The following RYR2 variants were observed in gnomAD, a reference collection of about 807,000 sequenced individuals.
The protein encoded by RYR2 is ryanodine receptor 2, also known as cardiac muscle ryanodine receptor-calcium release channel.
Under a neutral mutation model 601.1 loss-of-function variants are expected in RYR2, and 227 were observed. The ratio of observed to expected loss-of-function variants is 0.38; its 90% CI spans 0.34 to 0.42. The LOEUF (loss-of-function observed/expected upper bound fraction) is 0.42. RYR2 is among the 10% of genes least tolerant of loss of function. RYR2 has a pLI of 1.00. For missense variants in RYR2, 4,646 were observed against 6,156.5 expected, an observed-to-expected ratio of 0.75 and a Z score of 8.21; for synonymous variants, 2,223 against 2,175.1, an observed-to-expected ratio of 1.02 and a Z score of -0.61.
rs115156041 is a variant in RYR2 at position 237,051,532 on chromosome 1, G to A, written c.48+8963G>A. Among the ~76,000 whole-genome samples the A allele has an allele frequency of 5.5e-3, 832 of 152,066 alleles. 10 individuals carry two copies. The highest frequency in any genetic ancestry group is 0.016 in the African/African-American group (648 of 41,460). On this transcript the variant is annotated intron_variant, in intron 1 of 104. Transcript: ENST00000366574. Reference sequence around the variant, plus strand: ...ACATTTGAATAGTCCCACAGGCTGAGAGGAGTTCCTCTGATCTTAAATACA... The same window carrying A: ...ACATTTGAATAGTCCCACAGGCTGAAAGGAGTTCCTCTGATCTTAAATACA...
At chr1:237,264,091 G>A (rs866668428) in intron 1 of RYR2, among the ~76,000 whole-genome samples, 4 of 147,412 alleles carry the variant, frequency 2.7e-5, no homozygotes, top group Admixed American at 1.4e-4. Flanking sequence ...ACATGCACAT[G>A]CACACACACA....
chr1:237,595,559 C>G lies in RYR2; in HGVS notation c.4498C>G (p.Arg1500Gly). The G allele has an allele frequency of 6.2e-7, 1 of 1,613,562 alleles. No individual in the cohort carries two copies. The highest frequency in any genetic ancestry group is 8.5e-7 in the Non-Finnish European group (1 of 1,179,712). The change falls in exon 34 of 105, where the codon CGC (arginine) becomes GGC (glycine). Residue 1500 changes from arginine to glycine, a missense_variant. Arg to Gly is a moderately radical substitution (Grantham distance 125). Transcript: ENST00000366574. ...TGAGAGCATGAGCCCCGGGCAAGGA[C>G]GCAACAATAATGGACTGGAGATTGG... is the stretch of plus-strand genomic sequence containing the variant. Reference protein sequence around the residue: ...AGESMSPGQGRNNNGLEIGCV... With the variant: ...AGESMSPGQGGNNNGLEIGCV...
intron 25 of RYR2, among the ~76,000 whole-genome samples, chr1:237,536,113 A>G (rs1380402893): frequency 6.6e-6 from 1 of 152,246 alleles, no homozygotes; most frequent in African/African-American, 2.4e-5. Context: ...ATTGTCATCA[A>G]TAGCAGGTAA....
At chr1:237,098,674 C>A (rs1447124146) in intron 1 of RYR2, among the ~76,000 whole-genome samples, 1 of 152,094 alleles carries the variant, frequency 6.6e-6, no homozygotes, top group East Asian at 1.9e-4. Flanking sequence ...ATGAGTCACA[C>A]ACAGAAAGAC....
chr1:237,565,177 T>TTC (rs749761276), intron 27 of RYR2, among the ~76,000 whole-genome samples: 3 of 82,116 alleles, frequency 3.7e-5, no homozygotes, highest in African/African-American at 4.5e-5. Flanking sequence ...CTTTCTTTCT[T>TTC]TCTTTCTTTC....
At chr1:237,241,700 G>A (rs552327063) in intron 1 of RYR2, among the ~76,000 whole-genome samples, 8 of 152,272 alleles carry the variant, frequency 5.3e-5, no homozygotes, top group African/African-American at 1.9e-4. Flanking sequence ...AACAAGGGGT[G>A]GATTATTCAT....
At chr1:237,352,415 A>T (rs1698933482) in intron 3 of RYR2, among the ~76,000 whole-genome samples, 1 of 152,146 alleles carries the variant, frequency 6.6e-6, no homozygotes, top group African/African-American at 2.4e-5. Flanking sequence ...TTTACACAGA[A>T]AATTGAGAAA....
chr1:237,631,112 A>G (rs540725872), intron 41 of RYR2, among the ~76,000 whole-genome samples: 1 of 152,334 alleles, frequency 6.6e-6, no homozygotes, highest in Admixed American at 6.5e-5. Flanking sequence ...TTTATCCAGA[A>G]GAAGGTTGGA....
At chr1:237,125,943 G>A (rs536555762) in intron 1 of RYR2, among the ~76,000 whole-genome samples, 23 of 152,318 alleles carry the variant, frequency 1.5e-4, no homozygotes, top group African/African-American at 5.3e-4. Flanking sequence ...TATCTCTAAT[G>A]TACAAAACTG....
chr1:237,705,320 C>T lies in RYR2; in HGVS notation c.9557C>T (p.Thr3186Ile). ...DKHNIYSIYNTKSSRERAALS... is the reference protein window; with the variant it reads ...DKHNIYSIYNIKSSRERAALS... Reference sequence around the variant, plus strand: ...CATAATATTTACTCCATCTACAATACCAAGTCTTCACGAGAAAGAGCAGGT... The same window carrying T: ...CATAATATTTACTCCATCTACAATATCAAGTCTTCACGAGAAAGAGCAGGT... Residue 3186 changes from threonine to isoleucine, a missense_variant, in exon 67 of 105, where the codon ACC (threonine) becomes ATC (isoleucine). Thr to Ile is a moderately conservative substitution (Grantham distance 89, BLOSUM62 -1). Transcript: ENST00000366574. 1.2e-6 allele frequency: 2 copies of T among 1,605,294 alleles called. No homozygotes were observed. The highest frequency in any genetic ancestry group is 1.7e-6 in the Non-Finnish European group (2 of 1,175,104).
At chr1:237,219,892 AT>A (rs1468039772) in intron 1 of RYR2, among the ~76,000 whole-genome samples, 1 of 152,124 alleles carries the variant, frequency 6.6e-6, no homozygotes, top group Non-Finnish European at 1.5e-5. Context: ...TCCCCTTTTC[AT>A]TTACTTGACA....
At chr1:237,616,507 C>G (rs1293834032) in intron 37 of RYR2, among the ~76,000 whole-genome samples, 1 of 152,204 alleles carries the variant, frequency 6.6e-6, no homozygotes, top group African/African-American at 2.4e-5. Flanking sequence ...CTGTGATCCT[C>G]AGCCTGTGGT....
intron 1 of RYR2, among the ~76,000 whole-genome samples, chr1:237,166,054 A>C (rs899841889): frequency 1.3e-5 from 2 of 152,002 alleles, no homozygotes; most frequent in African/African-American, 4.8e-5. Context: ...AAAGTGAAAA[A>C]CTGTTTGAAG....
intron 1 of RYR2, among the ~76,000 whole-genome samples, chr1:237,109,895 C>A (rs1256002293): frequency 2.0e-5 from 3 of 151,998 alleles, no homozygotes; most frequent in Non-Finnish European, 2.9e-5. Flanking sequence ...TATGACCTGG[C>A]TTTGTGCACC....
chr1:237,513,435 A>G (rs942973062), intron 24 of RYR2, among the ~76,000 whole-genome samples: 1 of 152,156 alleles, frequency 6.6e-6, no homozygotes, highest in African/African-American at 2.4e-5. Flanking sequence ...AAATTATTTT[A>G]CCAGGGACCC....
intron 10 of RYR2, among the ~76,000 whole-genome samples, chr1:237,399,519 A>G (rs1703155077): frequency 6.6e-6 from 1 of 152,200 alleles, no homozygotes; most frequent in South Asian, 2.1e-4. Flanking sequence ...GAGTGCCATG[A>G]AGTAAAACCA....
intron 1 of RYR2, among the ~76,000 whole-genome samples, chr1:237,134,950 G>A (rs1281414806): frequency 1.3e-5 from 2 of 152,154 alleles, no homozygotes; most frequent in Non-Finnish European, 2.9e-5. Context: ...ATCACTGTAT[G>A]ATCCTGTGCC....
intron 1 of RYR2, among the ~76,000 whole-genome samples, chr1:237,084,521 T>A (rs1170114218): frequency 1.3e-5 from 2 of 152,168 alleles, no homozygotes; most frequent in African/African-American, 4.8e-5. Flanking sequence ...AAGGTTGTTA[T>A]TGCTTTAATT....
intron 1 of RYR2, among the ~76,000 whole-genome samples, chr1:237,085,803 G>C (rs1305557531): frequency 6.6e-6 from 1 of 152,150 alleles, no homozygotes; most frequent in African/African-American, 2.4e-5. Flanking sequence ...AGGCTGGATG[G>C]AGTACAGTGT....
Sources: allele counts gnomAD v4.1 joint callset (sites outside exome capture counted in the v4.1 genomes callset), GRCh38; gene constraint gnomAD v4.1.1; transcripts MANE v1.5; gene names NCBI Gene and HGNC (gene_info 2026-07-23, HGNC 2026-07-21).